The following GPM6A variants were observed in gnomAD, a reference collection of about 807,000 sequenced individuals.
GPM6A encodes neuronal membrane glycoprotein M6-a.
A neutral mutation model predicts 32.1 loss-of-function variants in GPM6A; 7 were observed. That is an observed-to-expected ratio of 0.22 (90% CI 0.12 to 0.41). GPM6A has a LOEUF of 0.41. Ranked by LOEUF, GPM6A falls within the 10% of genes least tolerant of loss-of-function variation. GPM6A has a pLI of 1.00. For synonymous variants in GPM6A, 130 were observed against 123.4 expected (o/e 1.05, Z -0.35); for missense variants, 235 against 347.2 (o/e 0.68, Z 2.57).
chr4:175,970,911 T>C (rs927758507), intron 1 of GPM6A: 2 of 456,176 alleles, frequency 4.4e-6, no homozygotes, highest in African/African-American at 4.0e-5. Context: ...GACCCTTTTT[T>C]TTCCCAACTG....
chr4:175,727,069 C>A (rs963172075), intron 1 of GPM6A, among the ~76,000 whole-genome samples: 12 of 151,748 alleles, frequency 7.9e-5, no homozygotes, highest in African/African-American at 2.9e-4. Flanking sequence ...TTTTAATACC[C>A]CAAAAGAAAA....
chr4:175,729,904 C>T (rs2644008), intron 1 of GPM6A, among the ~76,000 whole-genome samples: 78,900 of 145,378 alleles, frequency 0.54, 22,644 homozygotes, highest in East Asian at 0.92. Context: ...TATATGTATT[C>T]AAATAATATA....
intron 1 of GPM6A, among the ~76,000 whole-genome samples, chr4:175,869,378 G>C (rs1736833478): frequency 6.6e-6 from 1 of 151,800 alleles, no homozygotes; most frequent in South Asian, 2.1e-4. Flanking sequence ...CTGTGTATAG[G>C]ACACACAAAA....
At chr4:175,947,550 C>T (rs1362034504) in intron 1 of GPM6A, 1 of 152,052 alleles carries the variant, frequency 6.6e-6, no homozygotes, top group African/African-American at 2.4e-5. Flanking sequence ...TATAAAAGCA[C>T]ATCATAAATC....
intron 4 of GPM6A, among the ~76,000 whole-genome samples, chr4:175,644,117 G>GTTT (rs1223083455): frequency 3.6e-5 from 4 of 110,754 alleles, no homozygotes; most frequent in Admixed American, 1.9e-4. Context: ...AAACTTTTCC[G>GTTT]TTTGTTTTTT....
chr4:175,981,340 C>A (rs913677029), intron 1 of GPM6A, among the ~76,000 whole-genome samples: 4 of 152,184 alleles, frequency 2.6e-5, no homozygotes, highest in African/African-American at 9.7e-5. Flanking sequence ...TATGCAGTCA[C>A]ATAAACATCA....
chr4:175,813,033 C>T (rs1455079940), upstream of GPM6A: 4 of 983,954 alleles, frequency 4.1e-6, no homozygotes, highest in African/African-American at 7.0e-5. Context: ...CTGAGAGATA[C>T]ATGTTTTAAG....
intron 1 of GPM6A, among the ~76,000 whole-genome samples, chr4:175,998,605 ATCT>A (rs1741382888): frequency 6.6e-6 from 1 of 152,276 alleles, no homozygotes. Context: ...TCTAGACAAA[ATCT>A]TCTATTCATT....
intron 4 of GPM6A, among the ~76,000 whole-genome samples, chr4:175,642,396 G>T (rs1311024511): frequency 6.6e-6 from 1 of 152,088 alleles, no homozygotes; most frequent in Non-Finnish European, 1.5e-5. Context: ...CCTAGAAAGT[G>T]TTGCCTAACC....
chr4:175,968,368 G>C (rs1010502431), intron 1 of GPM6A, among the ~76,000 whole-genome samples: 2 of 152,156 alleles, frequency 1.3e-5, no homozygotes, highest in African/African-American at 4.8e-5. Flanking sequence ...TAGGTTTAGT[G>C]ATGAATTTTT....
intron 2 of GPM6A, among the ~76,000 whole-genome samples, chr4:175,678,981 C>T (rs1743531534): frequency 6.6e-6 from 1 of 152,132 alleles, no homozygotes; most frequent in Non-Finnish European, 1.5e-5. Context: ...AGAACATCTT[C>T]ACAGTGTATA....
rs748955113 is a variant in GPM6A, at chr4:175,912,762, C to A, written c.-23+89547G>T. Reference sequence around the variant, plus strand: ...ATCAACTGTCTCAGCCTTATCTCCTCATATTCACAATGATAGTGGATACTG... The same window carrying A: ...ATCAACTGTCTCAGCCTTATCTCCTAATATTCACAATGATAGTGGATACTG... On this transcript the variant is annotated intron_variant, in intron 1 of 7. Coordinates refer to the GPM6A transcript ENST00000280187. Among the ~76,000 whole-genome samples the A allele has an allele frequency of 3.3e-5, 5 of 152,142 alleles. No homozygotes were observed. In the East Asian group the frequency reaches 9.6e-4, roughly 29 times the overall value.
intron 3 of GPM6A, among the ~76,000 whole-genome samples, chr4:175,672,267 G>A (rs1743123747): frequency 6.6e-6 from 1 of 152,102 alleles, no homozygotes; most frequent in Admixed American, 6.5e-5. Flanking sequence ...TTTTTCGTTA[G>A]GGTTTTAGAA....
At chr4:175,704,533 T>G (rs1745067242) in intron 1 of GPM6A, among the ~76,000 whole-genome samples, 2 of 152,148 alleles carry the variant, frequency 1.3e-5, no homozygotes, top group Admixed American at 6.5e-5. Context: ...ATCTTTCAAC[T>G]ATTCTGTCTC....
At chr4:175,760,480 C>T (rs937198518) in intron 1 of GPM6A, among the ~76,000 whole-genome samples, 1 of 152,088 alleles carries the variant, frequency 6.6e-6, no homozygotes, top group Non-Finnish European at 1.5e-5. Context: ...TAGCTCTTCA[C>T]ATTATAAAAC....
At chr4:175,804,544 T>G (rs1055472696) in intron 1 of GPM6A, among the ~76,000 whole-genome samples, 1 of 152,196 alleles carries the variant, frequency 6.6e-6, no homozygotes, top group Admixed American at 6.5e-5. Flanking sequence ...TAAAAAGCTG[T>G]AATCAATATT....
At chr4:175,734,335 C>G (rs1034736801) in intron 1 of GPM6A, among the ~76,000 whole-genome samples, 1 of 151,990 alleles carries the variant, frequency 6.6e-6, no homozygotes, top group Admixed American at 6.6e-5. Flanking sequence ...GTCACTTGAT[C>G]ATTTCCCTGT....
intron 1 of GPM6A, among the ~76,000 whole-genome samples, chr4:175,794,648 T>C (rs186542567): frequency 2.7e-3 from 411 of 152,306 alleles, no homozygotes; most frequent in Non-Finnish European, 3.7e-3. Context: ...GGGAATTGCA[T>C]GACTTATGAT....
At chr4:175,981,363 G>A (rs1463842381) in intron 1 of GPM6A, among the ~76,000 whole-genome samples, 1 of 152,126 alleles carries the variant, frequency 6.6e-6, no homozygotes, top group Non-Finnish European at 1.5e-5. Flanking sequence ...GTAATTGAGA[G>A]ATAGAACAAT....
Sources: gnomAD v4.1 joint callset for allele counts (sites outside exome capture counted in the v4.1 genomes callset) on GRCh38, gnomAD v4.1.1 for gene constraint, MANE v1.5 for transcripts, NCBI Gene and HGNC (gene_info 2026-07-23, HGNC 2026-07-21) for gene names.